Variants in WIPF1 observed in about 807,000 individuals in gnomAD.
WIPF1 encodes WAS/WASL-interacting protein family member 1.
WIPF1 carries 13 observed loss-of-function variants against 35.4 expected under a neutral mutation model. The observed-to-expected ratio is 0.37, with a 90% confidence interval of 0.24 to 0.58. The LOEUF is 0.58. Among genes scored for constraint, WIPF1 ranks in the 20% least tolerant of loss-of-function variants. WIPF1 has a pLI of 0.74. For synonymous variants in WIPF1, 267 were observed against 266.3 expected (o/e 1.00, Z -0.02); for missense variants, 591 against 667.0 (o/e 0.89, Z 1.25).
intron 1 of WIPF1, chr2:174,656,048 C>T (rs180856267): frequency 6.6e-6 from 1 of 152,348 alleles, no homozygotes; most frequent in Admixed American, 6.5e-5. Flanking sequence ...ATCCTAGCCA[C>T]CAGTAAGAAG....
At chr2:174,584,865 G>A (rs868462140) in intron 2 of WIPF1, among the ~76,000 whole-genome samples, 19 of 151,368 alleles carry the variant, frequency 1.3e-4, no homozygotes, top group African/African-American at 3.6e-4. Context: ...AGCTGAGATC[G>A]TGCCATTGCA....
intron 1 of WIPF1, among the ~76,000 whole-genome samples, chr2:174,621,235 A>G (rs1686664585): frequency 6.6e-6 from 1 of 152,184 alleles, no homozygotes; most frequent in Admixed American, 6.5e-5. Context: ...TGAGTAATAT[A>G]TATTAGAAAG....
intron 1 of WIPF1, among the ~76,000 whole-genome samples, chr2:174,651,667 G>A (rs74326041): frequency 1.5e-3 from 225 of 152,272 alleles, no homozygotes; most frequent in African/African-American, 5.2e-3. Flanking sequence ...TGTGTTATAT[G>A]GTAACTACCC....
intron 1 of WIPF1, among the ~76,000 whole-genome samples, chr2:174,615,148 A>G (rs1235715933): frequency 6.6e-6 from 1 of 152,226 alleles, no homozygotes; most frequent in African/African-American, 2.4e-5. Context: ...AAGACAGTGT[A>G]CAATATATTA....
chr2:174,649,082 G>A (rs574170434), intron 1 of WIPF1, among the ~76,000 whole-genome samples: 6 of 152,040 alleles, frequency 3.9e-5, no homozygotes, highest in South Asian at 2.1e-4. Context: ...CATAGTGAAC[G>A]TGCCCCCACA....
chr2:174,624,603 T>C (rs1189133699), intron 1 of WIPF1, among the ~76,000 whole-genome samples: 1 of 152,184 alleles, frequency 6.6e-6, no homozygotes, highest in Non-Finnish European at 1.5e-5. Flanking sequence ...ATATTCAAAA[T>C]ATTTAACAAC....
intron 1 of WIPF1, among the ~76,000 whole-genome samples, chr2:174,638,130 A>G (rs895147333): frequency 1.3e-5 from 2 of 152,256 alleles, no homozygotes; most frequent in African/African-American, 4.8e-5. Context: ...ATGTGCGGAC[A>G]TTAAAAAAAT....
chr2:174,681,820 G>A (rs1244705244), intron 1 of WIPF1, among the ~76,000 whole-genome samples: 2 of 152,188 alleles, frequency 1.3e-5, no homozygotes, highest in Non-Finnish European at 2.9e-5. Context: ...CCAGGAGCCC[G>A]TGGCTGAAGA....
chr2:174,575,220 C>T lies in WIPF1; in HGVS notation c.342G>A (p.Thr114=), dbSNP rs778774388. The change falls in exon 4 of 8, where the codon ACG becomes ACA. Residue 114 remains threonine, a synonymous_variant. Transcript: ENST00000679041. ...FQAGMPKLRS[T]ANRDNDSGGS... ...TCTCCTTACCATTATCCCTGTTGGC[C>T]GTGGATCTCAGCTTCGGCATTCCAG... The T allele has an allele frequency of 1.1e-5, 17 of 1,611,418 alleles. No homozygotes were observed. Among genetic ancestry groups the T allele is most frequent in the Middle Eastern group, 1.6e-4 (1 of 6,066 alleles).
rs145249191 is a variant in WIPF1 at position 174,672,500 on chromosome 2, G to C, written c.-39+10274C>G. Among the ~76,000 whole-genome samples the C allele has an allele frequency of 7.7e-4, 118 of 152,278 alleles. 1 individual carries two copies. The Middle Eastern group carries it at 0.01, about 13-fold the overall frequency. On this transcript the variant is annotated intron_variant, in intron 1 of 8. Coordinates refer to the WIPF1 transcript ENST00000272746. ...CCATGAGTTCGCTAAAATATAAATT[G>C]ATCTTTATATATTATACATACACTA...
At chr2:174,652,423 G>A (rs1218878822) in intron 1 of WIPF1, among the ~76,000 whole-genome samples, 1 of 152,136 alleles carries the variant, frequency 6.6e-6, no homozygotes, top group East Asian at 1.9e-4. Flanking sequence ...CAGTCCCAGG[G>A]CAATATAATG....
chr2:174,567,706 G>T (rs1456830697), intron 6 of WIPF1, among the ~76,000 whole-genome samples, 155 bp downstream of exon 6: 2 of 152,226 alleles, frequency 1.3e-5, no homozygotes, highest in Non-Finnish European at 2.9e-5. Flanking sequence ...TTGAAATCAT[G>T]GTGGGCCTTA....
At chr2:174,575,566 C>T in intron 3 of WIPF1, 186 bp from the exon 4 acceptor site, 1 of 1,029,520 alleles carries the variant, frequency 9.7e-7, no homozygotes, top group Non-Finnish European at 1.3e-6. Context: ...CAGGCAGTCC[C>T]AAGCCCAGTG....
At chr2:174,660,449 G>A (rs1687733891) in intron 1 of WIPF1, among the ~76,000 whole-genome samples, 2 of 152,306 alleles carry the variant, frequency 1.3e-5, no homozygotes, top group Non-Finnish European at 2.9e-5. Flanking sequence ...CTGTTACTTG[G>A]CAGGTAGTCA....
chr2:174,562,350 G>A lies in WIPF1; in HGVS notation c.*197C>T. ...CTGCAGCTGAAGCAAGCAATAGCCT[G>A]GAGAATAAACACAATATGAAAAGCT... On this transcript the variant is annotated 3_prime_UTR_variant, in exon 8 of 8. Transcript: ENST00000679041. 6.7e-7 allele frequency: 1 copy of A among 1,482,200 alleles called. No individual in the cohort carries two copies. Among genetic ancestry groups the A allele is most frequent in the Non-Finnish European group, 9.0e-7 (1 of 1,115,104 alleles). The allele number at this position is 1,482,200 out of a possible 1,614,324, so 91.8% of individuals were successfully genotyped here.
In WIPF1 at chr2:174,562,540, G is replaced by A; in HGVS notation, c.*7C>T. Reference sequence around the variant, plus strand: ...CTTGAGCTTGGGTAGAGAAGAGCAGGCAAAGATCACCTCGGGATGGGAGGG... The same window carrying A: ...CTTGAGCTTGGGTAGAGAAGAGCAGACAAAGATCACCTCGGGATGGGAGGG... On this transcript the variant is annotated 3_prime_UTR_variant, in exon 8 of 8. Transcript: ENST00000679041. 6.2e-7 allele frequency: 1 copy of A among 1,614,198 alleles called. No individual in the cohort carries two copies. Among genetic ancestry groups the A allele is most frequent in the East Asian group, 2.2e-5 (1 of 44,888 alleles).
intron 1 of WIPF1, among the ~76,000 whole-genome samples, chr2:174,623,954 A>G (rs1686750088): frequency 6.6e-6 from 1 of 152,196 alleles, no homozygotes; most frequent in African/African-American, 2.4e-5. Flanking sequence ...GTGGATGGGC[A>G]CAGGGATTCC....
intron 7 of WIPF1, among the ~76,000 whole-genome samples, chr2:174,563,872 C>T (rs550683867): frequency 6.6e-6 from 1 of 152,290 alleles, no homozygotes; most frequent in South Asian, 2.1e-4. Context: ...TGAGAAAGAA[C>T]CAAATTTCTG....
At chr2:174,595,970 G>C (rs974588221) in intron 1 of WIPF1, among the ~76,000 whole-genome samples, 1 of 152,182 alleles carries the variant, frequency 6.6e-6, no homozygotes, top group African/African-American at 2.4e-5. Context: ...AAAATGTTAA[G>C]AAGGCTTCAA....
Sources: allele counts gnomAD v4.1 joint callset (sites outside exome capture counted in the v4.1 genomes callset), GRCh38; gene constraint gnomAD v4.1.1; transcripts MANE v1.5; gene names NCBI Gene and HGNC (gene_info 2026-07-23, HGNC 2026-07-21).